The following ABCC1 variants were observed in gnomAD, a reference collection of about 807,000 sequenced individuals.
ABCC1 encodes the protein ATP binding cassette subfamily C member 1 (ABCC1 blood group).
A neutral mutation model predicts 172.9 loss-of-function variants in ABCC1; 83 were observed. The observed-to-expected ratio is 0.48, with a 90% CI of 0.40 to 0.58. The LOEUF is 0.58. ABCC1 is among the 20% of genes least tolerant of loss of function. ABCC1 has a pLI of 0.00. For synonymous variants in ABCC1, 937 were observed against 825.2 expected (o/e 1.14, Z -2.32); for missense variants, 1,817 against 2,002.7 (o/e 0.91, Z 1.77).
intron 13 of ABCC1, among the ~76,000 whole-genome samples, chr16:16,069,177 TA>T (rs2050233958): frequency 3.1e-5 from 3 of 97,144 alleles, no homozygotes; most frequent in Non-Finnish European, 5.9e-5. Flanking sequence ...TAAAAATAAA[TA>T]AATAAATAAA....
chr16:16,112,107 T>A (rs1435596235), intron 22 of ABCC1, among the ~76,000 whole-genome samples: 1 of 152,132 alleles, frequency 6.6e-6, no homozygotes, highest in Non-Finnish European at 1.5e-5. Flanking sequence ...AATCCCACAC[T>A]TTGGGAGGCT....
intron 1 of ABCC1, among the ~76,000 whole-genome samples, chr16:15,962,367 C>A (rs778438311): frequency 1.1e-4 from 17 of 152,162 alleles, no homozygotes; most frequent in Non-Finnish European, 7.3e-5. Flanking sequence ...CTGATTTTTA[C>A]ACCTAAACTA....
intron 20 of ABCC1, among the ~76,000 whole-genome samples, chr16:16,105,878 CT>C (rs574151579): frequency 7.0e-4 from 88 of 126,426 alleles, no homozygotes; most frequent in Middle Eastern, 4.0e-3. Context: ...GCGAAAAGTG[CT>C]TTTTTTTTTT....
chr16:15,951,066 G>C (rs2045860290), intron 1 of ABCC1, among the ~76,000 whole-genome samples: 1 of 152,138 alleles, frequency 6.6e-6, no homozygotes, highest in South Asian at 2.1e-4. Flanking sequence ...AGGGTCTGGG[G>C]GTGATTGGAG....
chr16:16,118,444 T>C (rs772128222), intron 23 of ABCC1, among the ~76,000 whole-genome samples: 3 of 132,582 alleles, frequency 2.3e-5, no homozygotes. Context: ...TTTTTTTTTT[T>C]CCCCTGCATT....
chr16:16,007,690 G>T, intron 1 of ABCC1, 126 bp from the exon 2 acceptor site: 1 of 849,514 alleles, frequency 1.2e-6, no homozygotes, highest in Non-Finnish European at 1.8e-6. Context: ...ATCCTGAAAG[G>T]TCCTTGGATA....
At chr16:16,016,069 G>T (rs570720124) in intron 4 of ABCC1, among the ~76,000 whole-genome samples, 1 of 151,972 alleles carries the variant, frequency 6.6e-6, no homozygotes, top group Non-Finnish European at 1.5e-5. Flanking sequence ...ATCCCGGGGG[G>T]AGCTGGGAGC....
At chr16:16,123,849 AAAC>A (rs1000586711) in intron 24 of ABCC1, among the ~76,000 whole-genome samples, 27 of 151,958 alleles carry the variant, frequency 1.8e-4, no homozygotes, top group African/African-American at 6.0e-4. Flanking sequence ...CTGTCTCTAA[AAAC>A]AAAACAAAAA....
At position 16,106,854 on chromosome 16, in the gene ABCC1, A is replaced by G. The variant is rs2052141633; in HGVS notation, c.2852A>G (p.Asp951Gly). 1 of 1,614,058 alleles carries G rather than the reference A, an allele frequency of 6.2e-7. No homozygotes were observed. Among genetic ancestry groups the G allele is most frequent in the Admixed American group, 1.7e-5 (1 of 59,992 alleles). ...GAGACCTGGAAGCTGATGGAGGCTG[A>G]CAAGGCGCAGACAGGGCAGGTGAGA... is the stretch of plus-strand genomic sequence containing the variant. ...KEETWKLMEADKAQTGQVKLS... is the reference protein window; with the variant it reads ...KEETWKLMEAGKAQTGQVKLS... Residue 951 changes from aspartate to glycine, a missense_variant, in exon 21 of 31, where the codon GAC (aspartate) becomes GGC (glycine). Transcript: ENST00000399410.
chr16:16,092,481 T>C (rs2051294934), intron 19 of ABCC1, among the ~76,000 whole-genome samples: 1 of 152,192 alleles, frequency 6.6e-6, no homozygotes, highest in Non-Finnish European at 1.5e-5. Context: ...GCCATCACAA[T>C]AGGTGGAATG....
rs2151904960 is a variant in ABCC1, at chr16:16,052,819, A to G, written c.1473+3A>G. 1 of 1,614,144 alleles carries G rather than the reference A, an allele frequency of 6.2e-7. No homozygotes were observed. The highest frequency in any genetic ancestry group is 2.2e-5 in the East Asian group (1 of 44,874). ...CGATGAAGACCAAGACGTATCAGGTAAGGCATGTGTCTCTGCGGGCCCCCA... is the reference window on the plus strand; with the variant it reads ...CGATGAAGACCAAGACGTATCAGGTGAGGCATGTGTCTCTGCGGGCCCCCA... On this transcript the variant is annotated splice_donor_region_variant and intron_variant, in intron 11 of 30. Coordinates refer to ENST00000399410, the MANE Select transcript of ABCC1 (RefSeq NM_004996.4).
chr16:16,002,343 G>A (rs1325472674), intron 1 of ABCC1, among the ~76,000 whole-genome samples: 2 of 152,132 alleles, frequency 1.3e-5, no homozygotes. Flanking sequence ...GAAGACATAA[G>A]CAACCCATGA....
chr16:16,134,584 T>C, intron 28 of ABCC1, 76 bp downstream of exon 28: 1 of 1,532,082 alleles, frequency 6.5e-7, no homozygotes, highest in Non-Finnish European at 8.9e-7. Context: ...GGTGTATGTA[T>C]ATTTTTGGGG....
intron 14 of ABCC1, among the ~76,000 whole-genome samples, chr16:16,073,879 T>C (rs961703368): frequency 6.6e-6 from 1 of 152,146 alleles, no homozygotes; most frequent in Admixed American, 6.5e-5. Context: ...TGTCAGAAGA[T>C]TGAATGTGTG....
At position 16,108,273 on chromosome 16, in the gene ABCC1, CTTTTTTTT is replaced by C. The variant is rs79826916; in HGVS notation, c.2871+1417_2871+1424del. On this transcript the variant is annotated intron_variant, in intron 21 of 30. Transcript: ENST00000399410. ...CAACACGCTTATCGTTTCTTTGTGT[CTTTTTTTT>C]TTTTTTTTTTTTTTTTGAGACGAAG... Among the ~76,000 whole-genome samples, 167 of 106,338 alleles carry C rather than the reference CTTTTTTTT, an allele frequency of 1.6e-3. 3 individuals are homozygous for C. The highest frequency in any genetic ancestry group is 9.4e-3 in the Middle Eastern group (2 of 212). 69.8% of individuals were successfully genotyped at this position (106,338 alleles called of 152,430 possible). A position where few individuals can be genotyped will look rare whatever the true frequency, so the allele number is the denominator to read the frequency against.
intron 10 of ABCC1, among the ~76,000 whole-genome samples, chr16:16,049,321 T>G (rs1368146414): frequency 2.0e-5 from 3 of 152,202 alleles, no homozygotes; most frequent in Admixed American, 2.0e-4. Flanking sequence ...CCAATCACTG[T>G]GGCCCAGGAG....
rs147602116 is a variant in ABCC1 at position 16,040,188 on chromosome 16, C to T, written c.809+3585C>T. Among the ~76,000 whole-genome samples the T allele has an allele frequency of 4.9e-3, 740 of 152,084 alleles. 3 individuals carry two copies. The highest frequency in any genetic ancestry group is 0.037 in the Middle Eastern group (11 of 294). ...ACAGCTCATTGCAGCCTGGAAATTC[C>T]GGGCTCAAGCAGTCCTCCCACCTCA... is the stretch of plus-strand genomic sequence containing the variant. On this transcript the variant is annotated intron_variant, in intron 7 of 30. Coordinates refer to ENST00000399410, the MANE Select transcript of ABCC1 (RefSeq NM_004996.4).
At chr16:16,079,570 T>G in intron 16 of ABCC1, 92 bp downstream of exon 16, 1 of 1,473,500 alleles carries the variant, frequency 6.8e-7, no homozygotes, top group African/African-American at 1.4e-5. Flanking sequence ...ACTGTCCCTG[T>G]GCCAGAAGCG....
At chr16:16,048,377 G>A in intron 10 of ABCC1, 74 bp downstream of exon 10, 1 of 1,550,784 alleles carries the variant, frequency 6.4e-7, no homozygotes. Flanking sequence ...CGAGGGAGTG[G>A]GTGTTGATGG....
Sources: gnomAD v4.1 joint callset for allele counts (sites outside exome capture counted in the v4.1 genomes callset) on GRCh38, gnomAD v4.1.1 for gene constraint, MANE v1.5 for transcripts, NCBI Gene and HGNC (gene_info 2026-07-23, HGNC 2026-07-21) for gene names.